Variants in ARHGEF4 observed in about 807,000 individuals in gnomAD.
ARHGEF4 encodes APC-stimulated guanine nucleotide exchange factor 1.
In ARHGEF4, 119 loss-of-function variants were observed where a neutral mutation model predicts 162.0. The ratio of observed to expected loss-of-function variants is 0.73; its 90% CI spans 0.63 to 0.86. The LOEUF (loss-of-function observed/expected upper bound fraction) is 0.86, where lower values mean the gene tolerates loss of function less well. Ranked by LOEUF, ARHGEF4 falls within the 40% of genes least tolerant of loss-of-function variation. The probability of loss-of-function intolerance (pLI) is 0.00; values close to 1 mark genes in which losing one functional copy is unlikely to be tolerated. For missense variants in ARHGEF4, 2,488 were observed against 2,456.0 expected (o/e 1.01, Z -0.28); for synonymous variants, 1,014 against 979.9 (o/e 1.03, Z -0.65).
At position 131,046,315 on chromosome 2, in the gene ARHGEF4, C is replaced by A; in HGVS notation, c.*126C>A. The A allele has an allele frequency of 2.0e-6, 2 of 1,002,222 alleles. No homozygotes were observed. Among genetic ancestry groups the A allele is most frequent in the Admixed American group, 2.5e-5 (1 of 40,098 alleles). The allele number at this position is 1,002,222 out of a possible 1,614,324, so 62.1% of individuals were successfully genotyped here. On this transcript the variant is annotated 3_prime_UTR_variant, in exon 14 of 14. Transcript: ENST00000409359. ...TGAGCAGGGATGGGCTGGGGAGTTG[C>A]TTGTGCCACCAAGACGTGCCAGGTC...
At chr2:130,956,669 A>G (rs1277624062) in intron 4 of ARHGEF4, among the ~76,000 whole-genome samples, 1 of 152,056 alleles carries the variant, frequency 6.6e-6, no homozygotes, top group Non-Finnish European at 1.5e-5. Context: ...TGTCCTTTGT[A>G]GGGACGTGGA....
chr2:130,916,828 C>A lies in ARHGEF4; in HGVS notation c.2882C>A (p.Ala961Asp). 6.4e-7 allele frequency: 1 copy of A among 1,550,398 alleles called. No individual in the cohort carries two copies. The highest frequency in any genetic ancestry group is 1.2e-5 in the South Asian group (1 of 84,058). Residue 961 changes from alanine to aspartate, a missense_variant, in exon 2 of 14, where the codon GCC becomes GAC. Coordinates refer to ENST00000409359, the MANE Select transcript of ARHGEF4 (RefSeq NM_001367493.1). ...SWRAFLKSKD[A>D]GSPKKPTLVS... ...CGGGCGTTTCTGAAAAGCAAAGATG[C>A]CGGAAGCCCCAAAAAGCCCACCCTA...
At chr2:131,003,622 C>T (rs999821311) in intron 4 of ARHGEF4, among the ~76,000 whole-genome samples, 8 of 152,204 alleles carry the variant, frequency 5.3e-5, no homozygotes, top group East Asian at 3.8e-4. Context: ...CCCCGCAGTA[C>T]GTGAGGTCAG....
At chr2:130,923,973 C>T (rs558271036) in intron 2 of ARHGEF4, among the ~76,000 whole-genome samples, 12 of 151,864 alleles carry the variant, frequency 7.9e-5, no homozygotes, top group Non-Finnish European at 1.5e-4. Context: ...CTCCGCCTCC[C>T]GGGTTCATGC....
At chr2:130,867,219 C>T (rs1305337082) in intron 1 of ARHGEF4, among the ~76,000 whole-genome samples, 1 of 151,180 alleles carries the variant, frequency 6.6e-6, no homozygotes, top group East Asian at 1.9e-4. Context: ...AATGATGGCT[C>T]CTTTTAATAT....
chr2:130,919,587 T>A (rs1299184745), intron 2 of ARHGEF4, among the ~76,000 whole-genome samples: 1 of 152,174 alleles, frequency 6.6e-6, no homozygotes, highest in Non-Finnish European at 1.5e-5. Context: ...GATTTAATAG[T>A]GATATAGGCC....
At position 131,034,624 on chromosome 2, in the gene ARHGEF4, C is replaced by G. The variant is rs1340006657; in HGVS notation, c.4126-4229C>G. Among the ~76,000 whole-genome samples, 7 of 152,320 alleles carry G rather than the reference C, an allele frequency of 4.6e-5. No individual in the cohort carries two copies. The East Asian group carries it at 1.4e-3, about 29-fold the overall frequency. ...GTGAAGTGGGGGCCTGCGGCCAGTC[C>G]TTGTAAGGAATCAGAGTCCCTGGCC... On this transcript the variant is annotated intron_variant, in intron 5 of 13. Transcript: ENST00000409359.
chr2:130,954,571 A>T (rs936246277), intron 4 of ARHGEF4, among the ~76,000 whole-genome samples: 1 of 152,232 alleles, frequency 6.6e-6, no homozygotes, highest in Non-Finnish European at 1.5e-5. Context: ...AACAAATATT[A>T]AAAAATCCTT....
rs375855121 is a variant in ARHGEF4 at position 130,931,090 on chromosome 2, G to A, written c.3691G>A (p.Glu1231Lys). Residue 1231 changes from glutamate to lysine, a missense_variant, in exon 3 of 14, where the codon GAG becomes AAG. Physicochemically the swap from Glu to Lys is moderately conservative, Grantham distance 56. Coordinates refer to ENST00000409359, the MANE Select transcript of ARHGEF4 (RefSeq NM_001367493.1). ...VTWALLCISA[E>K]TVRGEAPSQP... ...ATGGGCCCTCCTCTGCATCTCTGCA[G>A]AGACTGTGCGTGGGGAGGCTCCTTC... is the stretch of plus-strand genomic sequence containing the variant. The A allele has an allele frequency of 6.2e-7, 1 of 1,614,218 alleles. No individual in the cohort carries two copies. Among genetic ancestry groups the A allele is most frequent in the Admixed American group, 1.7e-5 (1 of 60,038 alleles).
At chr2:131,004,635 G>A (rs991263097) in intron 4 of ARHGEF4, among the ~76,000 whole-genome samples, 3 of 151,970 alleles carry the variant, frequency 2.0e-5, no homozygotes, top group East Asian at 3.9e-4. Context: ...GGCCTGACCC[G>A]GCCGTGAGCG....
At chr2:130,902,949 A>C (rs1680579427) in intron 1 of ARHGEF4, among the ~76,000 whole-genome samples, 2 of 152,142 alleles carry the variant, frequency 1.3e-5, no homozygotes, top group African/African-American at 4.8e-5. Context: ...TCAGTGTCTT[A>C]TCTCTGGTGC....
intron 5 of ARHGEF4, 70 bp downstream of exon 5, chr2:131,028,154 T>C: frequency 1.3e-6 from 2 of 1,576,566 alleles, no homozygotes; most frequent in South Asian, 1.2e-5. Flanking sequence ...AGCACGCTAA[T>C]GCAGGCCAGA....
At chr2:130,987,072 C>T (rs1686559268) in intron 4 of ARHGEF4, among the ~76,000 whole-genome samples, 1 of 152,226 alleles carries the variant, frequency 6.6e-6, no homozygotes, top group African/African-American at 2.4e-5. Flanking sequence ...CTGTGCTGGA[C>T]CCCCACAGTG....
At chr2:130,994,801 C>T (rs980865745) in intron 4 of ARHGEF4, among the ~76,000 whole-genome samples, 5 of 152,096 alleles carry the variant, frequency 3.3e-5, no homozygotes, top group African/African-American at 9.7e-5. Flanking sequence ...CTGAAAATGC[C>T]TTTTTAAATC....
At chr2:131,027,054 G>A (rs767837770) in intron 4 of ARHGEF4, among the ~76,000 whole-genome samples, 1 of 152,200 alleles carries the variant, frequency 6.6e-6, no homozygotes, top group Non-Finnish European at 1.5e-5. Context: ...ATGAAAGCAG[G>A]GTTGAGAAAC....
At chr2:130,951,597 A>G (rs1201512250) in intron 4 of ARHGEF4, among the ~76,000 whole-genome samples, 2 of 151,938 alleles carry the variant, frequency 1.3e-5, no homozygotes, top group Non-Finnish European at 2.9e-5. Context: ...TCATCTTTTT[A>G]TTGTTCTATT....
At position 130,916,874 on chromosome 2, in the gene ARHGEF4, C is replaced by T. The variant is rs745988860; in HGVS notation, c.2928C>T (p.Pro976=). The T allele has an allele frequency of 4.8e-5, 74 of 1,550,436 alleles. No homozygotes were observed. The South Asian group carries it at 7.6e-4, about 16-fold the overall frequency. The stretch of plus-strand genomic sequence containing the variant: ...CCCTAGTGAGTCTGCCTCTAGGACC[C>T]GAAGTTCTCTCCCCAGCAGAGACCG... ...KPTLVSLPLG[P]EVLSPAETDS... Residue 976 remains proline (P), a synonymous_variant, in exon 2 of 14, where the codon CCC becomes CCT. Coordinates refer to ENST00000409359, the MANE Select transcript of ARHGEF4 (RefSeq NM_001367493.1).
chr2:130,976,038 G>A (rs145603823), intron 4 of ARHGEF4, among the ~76,000 whole-genome samples: 1,604 of 152,176 alleles, frequency 0.011, 31 homozygotes, highest in African/African-American at 0.036. Flanking sequence ...GCCCAGGGTC[G>A]ACCTCAGGTC....
chr2:130,883,768 G>A (rs1433980269), intron 1 of ARHGEF4, among the ~76,000 whole-genome samples: 2 of 152,108 alleles, frequency 1.3e-5, no homozygotes, highest in Non-Finnish European at 2.9e-5. Context: ...CTTCCAAGAG[G>A]CCTTAGGAAA....
Sources: gnomAD v4.1 joint callset for allele counts (sites outside exome capture counted in the v4.1 genomes callset) on GRCh38, gnomAD v4.1.1 for gene constraint, MANE v1.5 for transcripts, NCBI Gene and HGNC (gene_info 2026-07-23, HGNC 2026-07-21) for gene names.